BDNF: variants seen among roughly 807,000 people sequenced by gnomAD.
BDNF encodes the protein brain derived neurotrophic factor.
A neutral mutation model predicts 19.5 loss-of-function variants in BDNF; 1 was observed. The observed-to-expected ratio is 0.05, with a 90% CI of 0.02 to 0.24. The LOEUF (loss-of-function observed/expected upper bound fraction) is 0.24. Among genes scored for constraint, BDNF ranks in the 10% least tolerant of loss-of-function variants. BDNF has a pLI of 1.00. For missense variants in BDNF, 195 were observed against 317.6 expected (o/e 0.61, Z 2.93); for synonymous variants, 100 against 121.6 (o/e 0.82, Z 1.17).
In BDNF at chr11:27,700,342, G is replaced by T. The variant is rs1859761047; in HGVS notation, c.-200C>A. 1.0e-6 allele frequency: 1 copy of T among 985,148 alleles called. No individual in the cohort carries two copies. Among genetic ancestry groups the T allele is most frequent in the Admixed American group, 6.2e-5 (1 of 16,242 alleles). The allele number at this position is 985,148 out of a possible 1,614,324, so 61.0% of individuals were successfully genotyped here. A position where few individuals can be genotyped will look rare whatever the true frequency, so the allele number is the denominator to read the frequency against. Reference sequence around the variant, plus strand: ...GGAGGTGGAGGGGCGCACCGGGCTGGCTCCTCTGTCCGGCCCGGGAGCCCG... The same window carrying T: ...GGAGGTGGAGGGGCGCACCGGGCTGTCTCCTCTGTCCGGCCCGGGAGCCCG... On this transcript the variant is annotated 5_prime_UTR_variant, in exon 1 of 2. Coordinates refer to ENST00000356660, the MANE Select transcript of BDNF (RefSeq NM_001709.5).
At chr11:27,712,370 A>G (rs1201364888) in intron 1 of BDNF, among the ~76,000 whole-genome samples, 13 of 152,198 alleles carry the variant, frequency 8.5e-5, no homozygotes. Context: ...AAATTATAAT[A>G]TTTACCTTGC....
chr11:27,667,447 G>A (rs970218399), intron 1 of BDNF, among the ~76,000 whole-genome samples: 1 of 152,208 alleles, frequency 6.6e-6, no homozygotes, highest in African/African-American at 2.4e-5. Flanking sequence ...TGGGCTAAAT[G>A]CTCCAGTTAA....
At chr11:27,675,456 C>G (rs2133923839) in intron 1 of BDNF, 1 of 152,292 alleles carries the variant, frequency 6.6e-6, no homozygotes, top group South Asian at 2.1e-4. Context: ...TTCAGACCAG[C>G]AACCGCGACT....
At chr11:27,684,883 G>A (rs990118083) in intron 1 of BDNF, among the ~76,000 whole-genome samples, 6 of 152,136 alleles carry the variant, frequency 3.9e-5, no homozygotes, top group Non-Finnish European at 7.4e-5. Context: ...GTCTCTGCCA[G>A]GTTTTTGTAT....
chr11:27,697,191 A>C (rs1590439038), intron 1 of BDNF, among the ~76,000 whole-genome samples: 1 of 151,326 alleles, frequency 6.6e-6, no homozygotes, highest in African/African-American at 2.4e-5. Flanking sequence ...AGAGAGAGAG[A>C]GAGAGCACCC....
chr11:27,660,235 A>G (rs903506268), intron 1 of BDNF: 137 of 1,242,630 alleles, frequency 1.1e-4, no homozygotes, highest in Non-Finnish European at 1.4e-4. Flanking sequence ...TTTGTAAGAA[A>G]TAACATTTTC....
intron 1 of BDNF, among the ~76,000 whole-genome samples, chr11:27,690,898 TAA>T (rs572314484): frequency 8.4e-5 from 12 of 142,548 alleles, no homozygotes; most frequent in Admixed American, 7.0e-5. Context: ...TCCTTGTATG[TAA>T]AAAAAAAAAA....
At chr11:27,666,583 T>TG (rs1854378701) in intron 1 of BDNF, among the ~76,000 whole-genome samples, 1 of 152,138 alleles carries the variant, frequency 6.6e-6, no homozygotes, top group South Asian at 2.1e-4. Context: ...AGACCTTAAA[T>TG]GACCTGATGG....
chr11:27,700,394 G>T lies in BDNF; in HGVS notation c.-252C>A, dbSNP rs966067885. ...GGCGCTACGGGGTGCGCGGGACAGC[G>T]AGCGGGCGGGTGCGCCCGGGCGCGG... is the stretch of plus-strand genomic sequence containing the variant. On this transcript the variant is annotated 5_prime_UTR_variant, in exon 1 of 2. Coordinates refer to ENST00000356660, the MANE Select transcript of BDNF (RefSeq NM_001709.5). 1 of 986,036 alleles carries T rather than the reference G, an allele frequency of 1.0e-6. No individual in the cohort carries two copies. The highest frequency in any genetic ancestry group is 1.2e-6 in the Non-Finnish European group (1 of 830,302). The allele number at this position is 986,036 out of a possible 1,614,324, so 61.1% of individuals were successfully genotyped here.
chr11:27,675,538 T>A (rs1855984354), intron 1 of BDNF: 1 of 152,058 alleles, frequency 6.6e-6, no homozygotes, highest in Non-Finnish European at 1.5e-5. Context: ...CAACATGCCT[T>A]TAAAAAAAAT....
intron 1 of BDNF, chr11:27,660,067 C>A: frequency 2.2e-6 from 1 of 463,318 alleles, no homozygotes; most frequent in Non-Finnish European, 3.2e-6. Context: ...AAGACACATA[C>A]ATGCAATGGC....
chr11:27,695,179 T>A (rs1858841574), intron 1 of BDNF, among the ~76,000 whole-genome samples: 1 of 152,176 alleles, frequency 6.6e-6, no homozygotes, highest in Non-Finnish European at 1.5e-5. Flanking sequence ...CTAGTAAAGC[T>A]GGTGATTTTG....
chr11:27,693,049 C>A (rs1296616403), intron 1 of BDNF, among the ~76,000 whole-genome samples: 1 of 152,226 alleles, frequency 6.6e-6, no homozygotes, highest in African/African-American at 2.4e-5. Flanking sequence ...CCATTGCTCA[C>A]ATGCAATGCT....
At chr11:27,678,103 C>T (rs1441858748) in intron 1 of BDNF, among the ~76,000 whole-genome samples, 2 of 152,188 alleles carry the variant, frequency 1.3e-5, no homozygotes, top group Non-Finnish European at 2.9e-5. Context: ...GATACATGAC[C>T]ATTTTTTACC....
In BDNF at chr11:27,657,039, C is replaced by G; in HGVS notation, c.*782G>C. 1 of 985,456 alleles carries G rather than the reference C, an allele frequency of 1.0e-6. No individual in the cohort carries two copies. Among genetic ancestry groups the G allele is most frequent in the Non-Finnish European group, 1.2e-6 (1 of 829,958 alleles). 61.0% of individuals were successfully genotyped at this position (985,456 alleles called of 1,614,324 possible). ...CTCTGACCAACGCCCAAAGAATGAG[C>G]GGGGCCTGGGAGGTGCATCACGGGA... is the stretch of plus-strand genomic sequence containing the variant. On this transcript the variant is annotated 3_prime_UTR_variant, in exon 2 of 2. Transcript: ENST00000356660. This position sits in a 1 kb window ranked among gnomAD's most constrained non-coding sequence, Gnocchi z 5.0.
chr11:27,696,323 A>G (rs1283137463), intron 1 of BDNF: 2 of 152,224 alleles, frequency 1.3e-5, no homozygotes, highest in Non-Finnish European at 2.9e-5. Flanking sequence ...ATTTGCCAGC[A>G]TCATTTATTG....
At chr11:27,697,164 C>CACAGAGAG (rs1182832997) in intron 1 of BDNF, among the ~76,000 whole-genome samples, 1 of 133,086 alleles carries the variant, frequency 7.5e-6, no homozygotes, top group African/African-American at 2.9e-5. Context: ...CACACACACA[C>CACAGAGAG]AGAGAGAGAG....
At chr11:27,721,825 G>C (rs1022739535) in exon 1 of BDNF, 5 of 216,946 alleles carry the variant, frequency 2.3e-5, no homozygotes, top group Non-Finnish European at 3.7e-5. Context: ...GGCACTGAAA[G>C]TTCCCAGAGA....
chr11:27,668,944 G>GAGAC (rs749097287), intron 1 of BDNF, among the ~76,000 whole-genome samples: 6 of 152,142 alleles, frequency 3.9e-5, no homozygotes, highest in Non-Finnish European at 7.4e-5. Flanking sequence ...CAGCCTGACA[G>GAGAC]AGACACAACA....
Sources: gnomAD v4.1 joint callset for allele counts (sites outside exome capture counted in the v4.1 genomes callset) on GRCh38, gnomAD v4.1.1 for gene constraint, Gnocchi (gnomAD v3.1) non-coding constraint, MANE v1.5 for transcripts, NCBI Gene and HGNC (gene_info 2026-07-23, HGNC 2026-07-21) for gene names.